Variants in DRG2 observed in about 807,000 individuals in gnomAD.
DRG2 encodes the protein developmentally regulated GTP binding protein 2.
DRG2 carries 36 observed loss-of-function variants against 53.4 expected under a neutral mutation model. The observed-to-expected ratio is 0.67, with a 90% confidence interval of 0.52 to 0.89. The LOEUF (loss-of-function observed/expected upper bound fraction) is 0.89. Ranked by LOEUF, DRG2 falls within the 40% of genes least tolerant of loss-of-function variation. DRG2 has a pLI of 0.00. For synonymous variants in DRG2, 167 were observed against 192.1 expected, an observed-to-expected ratio of 0.87 and a Z score of 1.08; for missense variants, 342 against 481.2, an observed-to-expected ratio of 0.71 and a Z score of 2.71.
At chr17:18,094,937 GCACTCTA>G (rs1567600681) in intron 2 of DRG2, among the ~76,000 whole-genome samples, 1 of 110,360 alleles carries the variant, frequency 9.1e-6, no homozygotes, top group African/African-American at 3.6e-5. Context: ...TTGCACCATT[GCACTCTA>G]GCCTGGGCAA....
Position 18,100,586 on chromosome 17 carries a change from C to T in DRG2, c.558C>T (p.Gly186=). ...TCTTTCAGCCCAAGAAAGGTGGTGGCATCTCCTTTAACTCGACAGTCACGC... is the reference window on the plus strand; with the variant it reads ...TCTTTCAGCCCAAGAAAGGTGGTGGTATCTCCTTTAACTCGACAGTCACGC... ...NIYFKPKKGG[G]ISFNSTVTLT... is the part of the protein sequence containing the mutation. Residue 186 remains glycine, a synonymous_variant, in exon 7 of 13, where the codon GGC becomes GGT. Coordinates refer to ENST00000225729, the MANE Select transcript of DRG2 (RefSeq NM_001388.5). The surrounding 1 kb of genome is among the most constrained non-coding windows in gnomAD (Gnocchi z 4.1). The T allele has an allele frequency of 6.2e-7, 1 of 1,614,230 alleles. No homozygotes were observed. The highest frequency in any genetic ancestry group is 8.5e-7 in the Non-Finnish European group (1 of 1,180,046).
chr17:18,104,616 C>T lies in DRG2; in HGVS notation c.896-7C>T. 6.2e-7 allele frequency: 1 copy of T among 1,613,854 alleles called. No homozygotes were observed. Among genetic ancestry groups the T allele is most frequent in the Non-Finnish European group, 8.5e-7 (1 of 1,180,010 alleles). ...GTGGCTGACGTTCTCCCCATCCTGC[C>T]CTGCAGAGAGGCCAGACTTCACAGA... On this transcript the variant is annotated splice_polypyrimidine_tract_variant and splice_region_variant and intron_variant, in intron 10 of 12. Transcript: ENST00000225729.
chr17:18,104,759 C>T, intron 11 of DRG2, 78 bp downstream of exon 11: 1 of 1,606,064 alleles, frequency 6.2e-7, no homozygotes, highest in East Asian at 2.2e-5. Context: ...CTGAGGTGCC[C>T]TGGGCTGGGG....
intron 11 of DRG2, chr17:18,106,060 G>A: frequency 7.7e-6 from 2 of 261,066 alleles, no homozygotes; most frequent in South Asian, 1.1e-4. Flanking sequence ...AGTGAGAGAT[G>A]GTGACCAAGC....
intron 10 of DRG2, among the ~76,000 whole-genome samples, 165 bp downstream of exon 10, chr17:18,104,054 G>T (rs1432823060): frequency 1.3e-5 from 2 of 152,176 alleles, no homozygotes; most frequent in African/African-American, 4.8e-5. Flanking sequence ...CTGGTTTTGA[G>T]GGTACCCTGG....
chr17:18,095,092 G>A (rs1350125630), intron 2 of DRG2, among the ~76,000 whole-genome samples: 1 of 146,772 alleles, frequency 6.8e-6, no homozygotes, highest in Non-Finnish European at 1.5e-5. Flanking sequence ...TCGGCTCACT[G>A]CAACCTCTGT....
Position 18,099,818 on chromosome 17 carries a change from C to G in DRG2, c.467+95C>G. The G allele has an allele frequency of 3.9e-6, 5 of 1,273,682 alleles. No homozygotes were observed. The Admixed American group carries it at 1.0e-4, about 26-fold the overall frequency. The allele number at this position is 1,273,682 out of a possible 1,614,324, so 78.9% of individuals were successfully genotyped here. A position where few individuals can be genotyped will look rare whatever the true frequency, so the allele number is the denominator to read the frequency against. On this transcript the variant is annotated intron_variant, in intron 5 of 12. Transcript: ENST00000225729. The surrounding 1 kb of genome is among the most constrained non-coding windows in gnomAD (Gnocchi z 4.4). ...AGGCGGCCTGTGGGTGTTTGGCTCT[C>G]TCACACGTGAGAGTAGTGGTAGGAC... is the stretch of plus-strand genomic sequence containing the variant.
At chr17:18,093,772 A>C (rs201911752) in intron 1 of DRG2, 41 bp from the exon 2 acceptor site, 1 of 1,595,896 alleles carries the variant, frequency 6.3e-7, no homozygotes, top group East Asian at 2.3e-5. Flanking sequence ...GGGCTTGGAC[A>C]CCCTGGCCAC....
intron 1 of DRG2, among the ~76,000 whole-genome samples, chr17:18,089,345 G>A (rs927771988): frequency 5.9e-5 from 9 of 152,018 alleles, no homozygotes; most frequent in South Asian, 2.1e-4. Context: ...TTGCCATGTC[G>A]TCCAGGCTGG....
rs963507955 is a variant in DRG2, at chr17:18,103,921, G to A, written c.895+32G>A. On this transcript the variant is annotated intron_variant, in intron 10 of 12. Transcript: ENST00000225729. This position sits in a 1 kb window ranked among gnomAD's most constrained non-coding sequence, Gnocchi z 4.4. ...TGCACTGCGCGTAGCTGAAAAACAG[G>A]CTGAGCTTCATCCCTAGAAGGCTGC... The A allele has an allele frequency of 1.2e-6, 2 of 1,607,202 alleles. No individual in the cohort carries two copies. Among genetic ancestry groups the A allele is most frequent in the Non-Finnish European group, 1.7e-6 (2 of 1,174,024 alleles).
chr17:18,089,253 C>G (rs562299932), intron 1 of DRG2, among the ~76,000 whole-genome samples: 1 of 152,334 alleles, frequency 6.6e-6, no homozygotes, highest in African/African-American at 2.4e-5. Flanking sequence ...ATTCTCCTGC[C>G]TCAGCCTCCA....
rs900644746 is a variant in DRG2 at position 18,107,162 on chromosome 17, C to T, written c.1017C>T (p.Ser339=). ...QFKYALVWGT[S]TKYSPQRVGL... ...CCCCATTCCTCACCCAGGGCACCAGCACCAAGTACAGTCCGCAGCGGGTGG... is the reference window on the plus strand; with the variant it reads ...CCCCATTCCTCACCCAGGGCACCAGTACCAAGTACAGTCCGCAGCGGGTGG... The change falls in exon 13 of 13, where the codon AGC becomes AGT. Residue 339 remains serine, a synonymous_variant. Transcript: ENST00000225729. 2.5e-6 allele frequency: 4 copies of T among 1,613,318 alleles called. No individual in the cohort carries two copies. In the African/African-American group the frequency reaches 4.0e-5, roughly 16 times the overall value.
chr17:18,102,093 A>G, intron 9 of DRG2, 96 bp downstream of exon 9: 3 of 1,274,258 alleles, frequency 2.4e-6, no homozygotes, highest in Non-Finnish European at 3.3e-6. Flanking sequence ...GGAGGAGGAA[A>G]AGCCAGCACA....
At chr17:18,096,133 A>G (rs530790697) in intron 2 of DRG2, 3 of 152,360 alleles carry the variant, frequency 2.0e-5, no homozygotes, top group Non-Finnish European at 4.4e-5. Context: ...TGAAGGCCAC[A>G]TACTGTCAAC....
At chr17:18,106,257 G>T (rs1187459787) in intron 11 of DRG2, 176 bp from the exon 12 acceptor site, 3 of 634,660 alleles carry the variant, frequency 4.7e-6, no homozygotes, top group Non-Finnish European at 8.6e-6. Context: ...CTGTGATTGG[G>T]TGGCTATGTG....
rs201062067 is a variant in DRG2 at position 18,101,983 on chromosome 17, C to T, written c.792C>T (p.Asn264=). ...TGGACCGCCTGGCCCGAAAACCCAA[C>T]AGTGTGGTCATCAGGTGAGGCCACT... The part of the protein sequence containing the change: ...EEVDRLARKP[N]SVVISCGMKL... The change falls in exon 9 of 13, where the codon AAC becomes AAT. Residue 264 remains asparagine, a synonymous_variant. Transcript: ENST00000225729. The T allele has an allele frequency of 3.1e-6, 5 of 1,610,424 alleles. No homozygotes were observed. In the African/African-American group the frequency reaches 6.7e-5, roughly 21 times the overall value.
intron 1 of DRG2, chr17:18,091,923 G>A (rs1330340862): frequency 6.6e-6 from 1 of 152,194 alleles, no homozygotes; most frequent in African/African-American, 2.4e-5. Context: ...TGCAGATTAA[G>A]AAACTGATGC....
At chr17:18,101,784 C>T (rs1021506430) in intron 8 of DRG2, 137 bp from the exon 9 acceptor site, 1 of 1,186,692 alleles carries the variant, frequency 8.4e-7, no homozygotes, top group South Asian at 1.5e-5. Context: ...CCTTCCCAAC[C>T]CTGAGGCAGC....
Position 18,087,990 on chromosome 17 carries a change from C to T in DRG2, c.-34C>T. On this transcript the variant is annotated 5_prime_UTR_variant, in exon 1 of 13. Transcript: ENST00000225729. The stretch of plus-strand genomic sequence containing the variant: ...AGACCGGAATTGCCGGTGCCGCCGC[C>T]ACCGCTGTCTGTGCGCCCACCTCTG... 1 of 1,544,800 alleles carries T rather than the reference C, an allele frequency of 6.5e-7. No individual in the cohort carries two copies. Among genetic ancestry groups the T allele is most frequent in the South Asian group, 1.2e-5 (1 of 83,288 alleles).
Sources: allele counts gnomAD v4.1 joint callset (sites outside exome capture counted in the v4.1 genomes callset), GRCh38; gene constraint gnomAD v4.1.1; non-coding constraint Gnocchi (gnomAD v3.1); transcripts MANE v1.5; gene names NCBI Gene and HGNC (gene_info 2026-07-23, HGNC 2026-07-21).